PRKN: variants seen among roughly 807,000 people sequenced by gnomAD.
PRKN encodes the protein E3 ubiquitin-protein ligase parkin.
PRKN carries 56 observed loss-of-function variants against 59.5 expected under a neutral mutation model. That is an observed-to-expected ratio of 0.94 (90% CI 0.76 to 1.18). PRKN has a LOEUF of 1.18. PRKN is among the 50% of genes most tolerant of loss of function. The probability of loss-of-function intolerance (pLI) is 0.00; values close to 1 mark genes in which losing one functional copy is unlikely to be tolerated. For missense variants in PRKN, 657 were observed against 596.4 expected (o/e 1.10, Z -1.06); for synonymous variants, 250 against 222.1 (o/e 1.13, Z -1.12).
At chr6:162,306,215 T>G (rs1187445389) in intron 2 of PRKN, among the ~76,000 whole-genome samples, 1 of 152,122 alleles carries the variant, frequency 6.6e-6, no homozygotes, top group African/African-American at 2.4e-5. Flanking sequence ...TAACAAAAGA[T>G]GTACAATGGT....
intron 4 of PRKN, among the ~76,000 whole-genome samples, chr6:162,158,816 G>A (rs1158853944): frequency 6.6e-6 from 1 of 151,834 alleles, no homozygotes; most frequent in Non-Finnish European, 1.5e-5. Context: ...TGTTACTTGG[G>A]ACTATTATAG....
At chr6:161,597,474 T>C (rs113587886) in intron 7 of PRKN, among the ~76,000 whole-genome samples, 4,780 of 152,304 alleles carry the variant, frequency 0.031, 204 homozygotes, top group African/African-American at 0.097. Flanking sequence ...TCCTGTGACA[T>C]GTAAAGGCTC....
At position 162,380,460 on chromosome 6, in the gene PRKN, CAT is replaced by C. The variant is rs202187101; in HGVS notation, c.171+62848_171+62849del. Among the ~76,000 whole-genome samples, 490 of 61,428 alleles carry C rather than the reference CAT, an allele frequency of 8.0e-3. 6 individuals are homozygous for C. Among genetic ancestry groups the C allele is most frequent in the African/African-American group, 0.044 (447 of 10,060 alleles). The allele number at this position is 61,428 out of a possible 152,430, so 40.3% of individuals were successfully genotyped here. A position where few individuals can be genotyped will look rare whatever the true frequency, so the allele number is the denominator to read the frequency against. On this transcript the variant is annotated intron_variant, in intron 2 of 11. Transcript: ENST00000366898. ...ATATATATATATGTATATATACACA[CAT>C]ATATATGTGTGTATATATATGTATA...
intron 1 of PRKN, among the ~76,000 whole-genome samples, chr6:162,485,659 G>A (rs995841606): frequency 4.6e-5 from 7 of 152,198 alleles, no homozygotes; most frequent in African/African-American, 1.4e-4. Context: ...CAAGGAGACA[G>A]CTGCTTTGTA....
At chr6:161,524,914 G>A (rs905427959) in intron 9 of PRKN, among the ~76,000 whole-genome samples, 1 of 152,134 alleles carries the variant, frequency 6.6e-6, no homozygotes. Context: ...AGGGCTGGCT[G>A]CTGTCCTTGC....
rs189450845 is a variant in PRKN, at chr6:162,221,455, G to C, written c.413-20203C>G. ...TCTCACTTTGCTATCTTAAACCAAA[G>C]CTATTAAACTCTTCAAATAAGCATG... is the stretch of plus-strand genomic sequence containing the variant. On this transcript the variant is annotated intron_variant, in intron 3 of 11. Transcript: ENST00000366898. Among the ~76,000 whole-genome samples the C allele has an allele frequency of 3.3e-5, 5 of 152,242 alleles. No individual in the cohort carries two copies. The East Asian group carries it at 5.8e-4, about 18-fold the overall frequency.
At chr6:161,512,073 A>G (rs1778412410) in intron 9 of PRKN, among the ~76,000 whole-genome samples, 1 of 152,226 alleles carries the variant, frequency 6.6e-6, no homozygotes, top group Non-Finnish European at 1.5e-5. Context: ...AAAATTATAC[A>G]GTAGCTTGAT....
rs1789405227 is a variant in PRKN, at chr6:161,444,705, C to T, written c.1084-57828G>A. Among the ~76,000 whole-genome samples, 1 of 152,184 alleles carries T rather than the reference C, an allele frequency of 6.6e-6. No individual in the cohort carries two copies. Among genetic ancestry groups the T allele is most frequent in the African/African-American group, 2.4e-5 (1 of 41,440 alleles). On this transcript the variant is annotated intron_variant, in intron 9 of 11. Coordinates refer to ENST00000366898, the MANE Select transcript of PRKN (RefSeq NM_004562.3). This position sits in a 1 kb window ranked among gnomAD's most constrained non-coding sequence, Gnocchi z 5.6. The stretch of plus-strand genomic sequence containing the variant: ...ACAGCGAGCTTTGCACGAGCGCTAC[C>T]GCGTGGCGGTGGAAACATTTGTTCC...
chr6:162,580,441 A>G (rs766727939), intron 1 of PRKN, among the ~76,000 whole-genome samples: 59 of 68,436 alleles, frequency 8.6e-4, no homozygotes, highest in East Asian at 1.7e-3. Flanking sequence ...CCTGTCTCAG[A>G]AAAAAAAAAA....
rs1786987065 is a variant in PRKN, at chr6:161,400,608, T to A, written c.1084-13731A>T. Reference sequence around the variant, plus strand: ...GGATTACAGGCATGAGCCACCACGCTCGGCCGAAAATTAAACGTATTCTAA... The same window carrying A: ...GGATTACAGGCATGAGCCACCACGCACGGCCGAAAATTAAACGTATTCTAA... On this transcript the variant is annotated intron_variant, in intron 9 of 11. Transcript: ENST00000366898. This position sits in a 1 kb window ranked among gnomAD's most constrained non-coding sequence, Gnocchi z 4.2. Among the ~76,000 whole-genome samples the A allele has an allele frequency of 1.3e-5, 2 of 152,068 alleles. 1 individual carries two copies. The highest frequency in any genetic ancestry group is 4.2e-4 in the South Asian group (2 of 4,816).
chr6:162,509,637 G>C (rs1412974102), intron 1 of PRKN, among the ~76,000 whole-genome samples: 1 of 152,134 alleles, frequency 6.6e-6, no homozygotes, highest in African/African-American at 2.4e-5. Context: ...ACCATCCTGG[G>C]ATAGAAAAGT....
intron 10 of PRKN, among the ~76,000 whole-genome samples, chr6:161,381,497 C>T (rs745787024): frequency 1.1e-4 from 17 of 152,348 alleles, no homozygotes; most frequent in Non-Finnish European, 2.4e-4. Flanking sequence ...GATACAAGTG[C>T]ATATCCCAAG....
intron 3 of PRKN, among the ~76,000 whole-genome samples, chr6:162,205,429 G>A (rs954155043): frequency 5.3e-5 from 8 of 151,996 alleles, no homozygotes; most frequent in South Asian, 2.1e-4. Context: ...AGGAAGAGTC[G>A]TTCTGATTCT....
chr6:162,643,293 G>T (rs886435669), intron 1 of PRKN, among the ~76,000 whole-genome samples: 1 of 150,334 alleles, frequency 6.7e-6, no homozygotes, highest in African/African-American at 2.4e-5. Context: ...AGCTATTCAG[G>T]AGGCTGAGGC....
At chr6:162,636,613 G>C (rs1256588744) in intron 1 of PRKN, among the ~76,000 whole-genome samples, 2 of 152,184 alleles carry the variant, frequency 1.3e-5, no homozygotes, top group Non-Finnish European at 2.9e-5. Context: ...TAACAACCAA[G>C]AGACAGTGAC....
rs1201121548 is a variant in PRKN, at chr6:161,552,566, T to G, written c.934-3563A>C. 6.6e-6 allele frequency among the ~76,000 whole-genome samples: 1 copy of G among 151,898 alleles called. No homozygotes were observed. Among genetic ancestry groups the G allele is most frequent in the African/African-American group, 2.4e-5 (1 of 41,368 alleles). On this transcript the variant is annotated intron_variant, in intron 8 of 11. Coordinates refer to ENST00000366898, the MANE Select transcript of PRKN (RefSeq NM_004562.3). This position sits in a 1 kb window ranked among gnomAD's most constrained non-coding sequence, Gnocchi z 4.9. ...TTTTTGTCTTGACCTGTCCAAATCC[T>G]TCCACATTGAAAAAAAACAAAAACA...
rs146730947 is a variant in PRKN, at chr6:161,583,168, T to C, written c.872-13752A>G. Among the ~76,000 whole-genome samples, 139 of 152,332 alleles carry C rather than the reference T, an allele frequency of 9.1e-4. 2 individuals are homozygous for C. In the East Asian group the frequency reaches 0.025, roughly 27 times the overall value. On this transcript the variant is annotated intron_variant, in intron 7 of 11. Coordinates refer to ENST00000366898, the MANE Select transcript of PRKN (RefSeq NM_004562.3). ...TTTCATGCCTTACTTTTTTTCTTTC[T>C]GGTGATATGATGTCACTCTGAGCAC...
At chr6:162,162,038 A>T (rs1782781175) in intron 4 of PRKN, among the ~76,000 whole-genome samples, 1 of 152,194 alleles carries the variant, frequency 6.6e-6, no homozygotes, top group South Asian at 2.1e-4. Context: ...ACAATTGAAA[A>T]CTACAAGTTG....
In PRKN at chr6:161,809,916, T is replaced by C. The variant is rs555116311; in HGVS notation, c.735-24008A>G. 6.6e-5 allele frequency among the ~76,000 whole-genome samples: 10 copies of C among 152,316 alleles called. No individual in the cohort carries two copies. The South Asian group carries it at 2.1e-3, about 32-fold the overall frequency. ...CTAAAGCAATGTGGAATTCTTTCAA[T>C]CCCTTAGGACGTGTTTTTAATAATA... On this transcript the variant is annotated intron_variant, in intron 6 of 11. Coordinates refer to ENST00000366898, the MANE Select transcript of PRKN (RefSeq NM_004562.3).
Sources: gnomAD v4.1 joint callset for allele counts (sites outside exome capture counted in the v4.1 genomes callset) on GRCh38, gnomAD v4.1.1 for gene constraint, Gnocchi (gnomAD v3.1) non-coding constraint, MANE v1.5 for transcripts, NCBI Gene and HGNC (gene_info 2026-07-23, HGNC 2026-07-21) for gene names.